Variants in COBLL1 observed in about 807,000 individuals in gnomAD.
COBLL1 encodes the protein cordon-bleu WH2 repeat protein like 1, also known as cordon-bleu protein-like 1.
Under a neutral mutation model 94.8 loss-of-function variants are expected in COBLL1, and 50 were observed. The observed-to-expected ratio is 0.53, with a 90% CI of 0.42 to 0.67. The LOEUF (loss-of-function observed/expected upper bound fraction) is 0.67, where lower values mean the gene tolerates loss of function less well. COBLL1 is among the 30% of genes least tolerant of loss of function. COBLL1 has a pLI of 0.00. For missense variants in COBLL1, 1,362 were observed against 1,348.7 expected (o/e 1.01, Z -0.15); for synonymous variants, 448 against 473.8 (o/e 0.95, Z 0.71).
chr2:164,672,451 C>A (rs1210531470), intron 1 of COBLL1, among the ~76,000 whole-genome samples: 2 of 152,046 alleles, frequency 1.3e-5, no homozygotes, highest in African/African-American at 4.8e-5. Context: ...GTAATCCCAG[C>A]ACTTTGGGAG....
At chr2:164,805,322 TC>T (rs1559033347) in intron 2 of COBLL1, among the ~76,000 whole-genome samples, 9 of 55,526 alleles carry the variant, frequency 1.6e-4, no homozygotes, top group African/African-American at 5.0e-4. Flanking sequence ...TCTCTCTCTC[TC>T]TCTCTCTCTC....
chr2:164,745,010 AG>A (rs1207539883), intron 2 of COBLL1, among the ~76,000 whole-genome samples: 1 of 152,210 alleles, frequency 6.6e-6, no homozygotes, highest in Non-Finnish European at 1.5e-5. Context: ...CCTTTATAAA[AG>A]GCTAATTGGT....
chr2:164,805,351 A>ATT (rs1183123016), intron 2 of COBLL1, among the ~76,000 whole-genome samples: 28 of 112,174 alleles, frequency 2.5e-4, no homozygotes, highest in African/African-American at 3.9e-4. Context: ...ATATATATAT[A>ATT]TATATATATA....
chr2:164,704,633 T>C (rs1684489571), intron 8 of COBLL1, 115 bp from the exon 9 acceptor site: 1 of 848,702 alleles, frequency 1.2e-6, no homozygotes, highest in South Asian at 1.6e-5. Context: ...AGAAGCCATT[T>C]TACTATCTAG....
intron 7 of COBLL1, among the ~76,000 whole-genome samples, chr2:164,713,233 T>C (rs1291419377): frequency 1.3e-5 from 2 of 152,102 alleles, no homozygotes; most frequent in African/African-American, 4.8e-5. Flanking sequence ...TTAGCCTGCC[T>C]AGGTTTTGTA....
rs1691235907 is a variant in COBLL1 at position 164,671,192 on chromosome 2, G to T, written n.127-5291C>A. On this transcript the variant is annotated intron_variant and non_coding_transcript_variant, in intron 1 of 2. Transcript: ENST00000495084. ...AAAGGCATGCAGTAATCTATTATTA[G>T]AACCATTATATATGAGAAAGTATCT... 4.6e-5 allele frequency among the ~76,000 whole-genome samples: 7 copies of T among 152,184 alleles called. No homozygotes were observed. In the South Asian group the frequency reaches 1.5e-3, roughly 32 times the overall value.
chr2:164,840,921 T>C (rs2305519), intron 2 of COBLL1: 46,578 of 392,802 alleles, frequency 0.12, 3,688 homozygotes, highest in African/African-American at 0.29. Context: ...AGCTGGCCTG[T>C]AGCAACCCAG....
chr2:164,672,424 C>T (rs1558904327), intron 1 of COBLL1, among the ~76,000 whole-genome samples: 2 of 152,074 alleles, frequency 1.3e-5, no homozygotes, highest in Non-Finnish European at 2.9e-5. Flanking sequence ...GTAGGCCGGG[C>T]GCGGTGGCTC....
At chr2:164,688,779 C>T (rs984268348) in intron 13 of COBLL1, among the ~76,000 whole-genome samples, 1 of 151,862 alleles carries the variant, frequency 6.6e-6, no homozygotes, top group African/African-American at 2.4e-5. Flanking sequence ...TGTGACTTAC[C>T]CAGTTTTTTC....
At chr2:164,778,542 G>T (rs943680174) in intron 2 of COBLL1, among the ~76,000 whole-genome samples, 1 of 152,160 alleles carries the variant, frequency 6.6e-6, no homozygotes, top group Non-Finnish European at 1.5e-5. Context: ...GGCAGAGGTT[G>T]CAGTAAGCTG....
chr2:164,807,022 C>T (rs1370091944), intron 2 of COBLL1, among the ~76,000 whole-genome samples: 1 of 152,090 alleles, frequency 6.6e-6, no homozygotes, highest in African/African-American at 2.4e-5. Context: ...CTTCTAGAAA[C>T]TCATCCATTT....
intron 2 of COBLL1, among the ~76,000 whole-genome samples, chr2:164,662,802 G>A (rs923333242): frequency 2.6e-5 from 4 of 152,086 alleles, no homozygotes; most frequent in South Asian, 2.1e-4. Context: ...TTCTGGCCAC[G>A]TGACATGCCT....
At chr2:164,729,867 CTGA>C in intron 4 of COBLL1, 44 bp downstream of exon 4, 1 of 1,474,690 alleles carries the variant, frequency 6.8e-7, no homozygotes, top group Non-Finnish European at 9.5e-7. Context: ...CAATGAGCTG[CTGA>C]TAATGACTGA....
At chr2:164,764,068 T>C (rs1338024591) in intron 2 of COBLL1, among the ~76,000 whole-genome samples, 1 of 152,172 alleles carries the variant, frequency 6.6e-6, no homozygotes, top group Non-Finnish European at 1.5e-5. Context: ...GCTAATTTTT[T>C]TGTTTGTTTA....
intron 7 of COBLL1, among the ~76,000 whole-genome samples, chr2:164,707,067 C>T (rs1684640944): frequency 6.6e-6 from 1 of 152,114 alleles, no homozygotes; most frequent in African/African-American, 2.4e-5. Flanking sequence ...GGTGGTCACC[C>T]TTACTGCTCC....
At chr2:164,807,987 T>G (rs1461779742) in intron 2 of COBLL1, among the ~76,000 whole-genome samples, 2 of 152,066 alleles carry the variant, frequency 1.3e-5, no homozygotes, top group African/African-American at 4.8e-5. Context: ...GCCCAGCTAA[T>G]TTTTGTACTT....
chr2:164,815,827 G>A (rs981645353), intron 2 of COBLL1, among the ~76,000 whole-genome samples: 2 of 152,114 alleles, frequency 1.3e-5, no homozygotes, highest in African/African-American at 4.8e-5. Flanking sequence ...ACGCACAAGA[G>A]AAAGGGAAGG....
At chr2:164,742,410 C>A (rs1178807454) in intron 3 of COBLL1, among the ~76,000 whole-genome samples, 1 of 151,770 alleles carries the variant, frequency 6.6e-6, no homozygotes, top group African/African-American at 2.4e-5. Flanking sequence ...GCCTTTATTA[C>A]CCCCAGCCAG....
intron 5 of COBLL1, among the ~76,000 whole-genome samples, chr2:164,727,437 G>C (rs554993203): frequency 1.9e-4 from 29 of 152,074 alleles, no homozygotes; most frequent in African/African-American, 6.5e-4. Context: ...CATTTCTATA[G>C]ATTAAAACTG....
Sources: allele counts gnomAD v4.1 joint callset (sites outside exome capture counted in the v4.1 genomes callset), GRCh38; gene constraint gnomAD v4.1.1; transcripts MANE v1.5; gene names NCBI Gene and HGNC (gene_info 2026-07-23, HGNC 2026-07-21).